The following RNF139 variants were observed in gnomAD, a reference collection of about 807,000 sequenced individuals.
RNF139 encodes ring finger protein 139.
A neutral mutation model predicts 49.5 loss-of-function variants in RNF139; 15 were observed. That is an observed-to-expected ratio of 0.30 (90% CI 0.20 to 0.47). The LOEUF (loss-of-function observed/expected upper bound fraction) is 0.47. Ranked by LOEUF, RNF139 falls within the 20% of genes least tolerant of loss-of-function variation. RNF139 has a pLI of 1.00. For synonymous variants in RNF139, 325 were observed against 300.9 expected (o/e 1.08, Z -0.83); for missense variants, 619 against 806.3 (o/e 0.77, Z 2.81).
At position 124,487,403 on chromosome 8, in the gene RNF139, G is replaced by C. The variant is rs1265726650; in HGVS notation, c.1754G>C (p.Cys585Ser). ...WLYIQDTCPM[C>S]HQKVYIEDDI... Reference sequence around the variant, plus strand: ...TACATTCAAGATACTTGTCCAATGTGCCATCAGAAAGTATACATCGAAGAT... The same window carrying C: ...TACATTCAAGATACTTGTCCAATGTCCCATCAGAAAGTATACATCGAAGAT... Residue 585 changes from cysteine to serine, a missense_variant, in exon 2 of 2, where the codon TGC (cysteine) becomes TCC (serine). By Grantham distance (112) the Cys-to-Ser change is moderately radical. This residue lies in a region of RNF139 where 530 missense variants were observed against 728.9 expected (regional missense o/e 0.73). Coordinates refer to ENST00000303545, the MANE Select transcript of RNF139 (RefSeq NM_007218.4). 3 of 1,613,966 alleles carry C rather than the reference G, an allele frequency of 1.9e-6. No individual in the cohort carries two copies. Among genetic ancestry groups the C allele is most frequent in the Non-Finnish European group, 2.5e-6 (3 of 1,179,988 alleles).
chr8:124,481,369 C>T lies in RNF139; in HGVS notation c.182-4462C>T, dbSNP rs139112234. Among the ~76,000 whole-genome samples the T allele has an allele frequency of 5.0e-3, 760 of 151,920 alleles. 6 individuals carry two copies. Among genetic ancestry groups the T allele is most frequent in the African/African-American group, 0.016 (647 of 41,406 alleles). On this transcript the variant is annotated intron_variant, in intron 1 of 1. Coordinates refer to ENST00000303545, the MANE Select transcript of RNF139 (RefSeq NM_007218.4). ...GAATTGTAAATATTATGTTTTGTAC[C>T]CTGATTTTTAGTCATAAGTTTCCAA... is the stretch of plus-strand genomic sequence containing the variant.
At chr8:124,481,123 A>G (rs960808751) in intron 1 of RNF139, among the ~76,000 whole-genome samples, 59 of 152,318 alleles carry the variant, frequency 3.9e-4, no homozygotes, top group African/African-American at 1.4e-3. Context: ...TCAACCTAAA[A>G]TGAGAATCCA....
At chr8:124,479,317 T>C (rs1470338252) in intron 1 of RNF139, among the ~76,000 whole-genome samples, 1 of 152,194 alleles carries the variant, frequency 6.6e-6, no homozygotes, top group Non-Finnish European at 1.5e-5. Context: ...GGGCAAGCAT[T>C]ACTGGAAATA....
chr8:124,475,010 G>A lies in RNF139; in HGVS notation c.-100G>A. 1 of 695,820 alleles carries A rather than the reference G, an allele frequency of 1.4e-6. No individual in the cohort carries two copies. The highest frequency in any genetic ancestry group is 6.7e-5 in the South Asian group (1 of 15,016). The allele number at this position is 695,820 out of a possible 1,614,324, so 43.1% of individuals were successfully genotyped here. ...GAGACAGGAGAGGAAGGAGGGCAGG[G>A]GCGGAGTTGCCCGCCTTAGCCCCCG... On this transcript the variant is annotated 5_prime_UTR_variant, in exon 1 of 2. Coordinates refer to ENST00000303545, the MANE Select transcript of RNF139 (RefSeq NM_007218.4).
At chr8:124,477,682 A>G (rs1307850904) in intron 1 of RNF139, among the ~76,000 whole-genome samples, 1 of 152,226 alleles carries the variant, frequency 6.6e-6, no homozygotes, top group Non-Finnish European at 1.5e-5. Context: ...ATGACAATAT[A>G]TGGAATATTG....
chr8:124,484,976 TAA>T (rs1816504786), intron 1 of RNF139, among the ~76,000 whole-genome samples: 1 of 152,128 alleles, frequency 6.6e-6, no homozygotes, highest in African/African-American at 2.4e-5. Context: ...GAGTAGGAAA[TAA>T]GAGCTGGCAT....
intron 1 of RNF139, chr8:124,483,553 A>G (rs1304267210): frequency 2.0e-5 from 3 of 151,908 alleles, no homozygotes; most frequent in African/African-American, 7.3e-5. Flanking sequence ...TCCCACCTCA[A>G]CCCCCTGAGT....
At chr8:124,482,780 G>A (rs1816437939) in intron 1 of RNF139, among the ~76,000 whole-genome samples, 1 of 150,344 alleles carries the variant, frequency 6.7e-6, no homozygotes, top group Non-Finnish European at 1.5e-5. Context: ...TGCAAAATTA[G>A]CTGGGAGTGG....
At chr8:124,482,958 A>ATT (rs1554601149) in intron 1 of RNF139, among the ~76,000 whole-genome samples, 3 of 94,246 alleles carry the variant, frequency 3.2e-5, no homozygotes, top group South Asian at 3.2e-4. Flanking sequence ...ATATATATAT[A>ATT]ATATATATAT....
chr8:124,482,132 A>G (rs556358052), intron 1 of RNF139, among the ~76,000 whole-genome samples: 10 of 152,188 alleles, frequency 6.6e-5, no homozygotes, highest in African/African-American at 2.4e-4. Context: ...GATACATCCA[A>G]ATTTTGAGGT....
At chr8:124,482,970 TTA>T (rs1419467630) in intron 1 of RNF139, among the ~76,000 whole-genome samples, 4 of 92,578 alleles carry the variant, frequency 4.3e-5, no homozygotes, top group Non-Finnish European at 6.1e-5. Flanking sequence ...TATATATATA[TTA>T]TTTAAATATA....
At chr8:124,480,665 A>C (rs1816392847) in intron 1 of RNF139, among the ~76,000 whole-genome samples, 1 of 152,150 alleles carries the variant, frequency 6.6e-6, no homozygotes, top group Admixed American at 6.5e-5. Context: ...GATTGATTAG[A>C]TCACTAGTCA....
chr8:124,486,179 C>G lies in RNF139; in HGVS notation c.530C>G (p.Thr177Ser). 1 of 1,614,188 alleles carries G rather than the reference C, an allele frequency of 6.2e-7. No individual in the cohort carries two copies. Among genetic ancestry groups the G allele is most frequent in the Non-Finnish European group, 8.5e-7 (1 of 1,180,018 alleles). The change falls in exon 2 of 2, where the codon ACT (threonine) becomes AGT (serine). Residue 177 changes from threonine to serine, a missense_variant. Coordinates refer to ENST00000303545, the MANE Select transcript of RNF139 (RefSeq NM_007218.4). ...GAGCTACCATTACACATCAGAGAGA[C>G]TTTACTGTTTACTTCTTCCTTGATT... is the stretch of plus-strand genomic sequence containing the variant. Reference protein sequence around the residue: ...ITELPLHIRETLLFTSSLILT... With the variant: ...ITELPLHIRESLLFTSSLILT...
At chr8:124,482,960 T>TATATATATTATTTATATATATATATA in intron 1 of RNF139, among the ~76,000 whole-genome samples, 1 of 66,868 alleles carries the variant, frequency 1.5e-5, no homozygotes, top group Non-Finnish European at 3.3e-5. Flanking sequence ...ATATATATAA[T>TATATATATTATTTATATATATATATA]ATATATATAT....
chr8:124,475,267 T>C lies in RNF139; in HGVS notation c.158T>C (p.Leu53Pro), dbSNP rs757303169. 4 of 1,613,234 alleles carry C rather than the reference T, an allele frequency of 2.5e-6. No individual in the cohort carries two copies. Among genetic ancestry groups the C allele is most frequent in the Admixed American group, 3.3e-5 (2 of 59,936 alleles). ...DSSQSRFCIV[L>P]QIFLRLFGVF... ...AGCCAAAGCCGGTTCTGCATCGTGC[T>C]CCAGATCTTCCTCCGGCTCTTTGGT... The change falls in exon 1 of 2, where the codon CTC becomes CCC. Residue 53 changes from leucine (L) to proline (P), a missense_variant. Transcript: ENST00000303545.
Position 124,482,114 on chromosome 8 carries a change from C to A in RNF139, c.182-3717C>A, listed in dbSNP as rs181196232. Among the ~76,000 whole-genome samples, 11 of 152,156 alleles carry A rather than the reference C, an allele frequency of 7.2e-5. No individual in the cohort carries two copies. The East Asian group carries it at 1.9e-3, about 27-fold the overall frequency. ...AGGATAGAGTATTGTCAGATTGTTA[C>A]TTGCTGGGATACATCCAAATTTTGA... On this transcript the variant is annotated intron_variant, in intron 1 of 1. Transcript: ENST00000303545.
rs34661621 is a variant in RNF139, at chr8:124,480,404, TAAAA to T, written c.181+5133_181+5136del. Among the ~76,000 whole-genome samples, 615 of 89,060 alleles carry T rather than the reference TAAAA, an allele frequency of 6.9e-3. 5 individuals are homozygous for T. The highest frequency in any genetic ancestry group is 0.021 in the African/African-American group (518 of 24,816). The allele number at this position is 89,060 out of a possible 152,430, so 58.4% of individuals were successfully genotyped here. A position where few individuals can be genotyped will look rare whatever the true frequency, so the allele number is the denominator to read the frequency against. ...GGGCAACAGAGCGAGACTCCATCAC[TAAAA>T]AAAAAAAAAAAAAAAAAAGGAAGTC... On this transcript the variant is annotated intron_variant, in intron 1 of 1. Coordinates refer to ENST00000303545, the MANE Select transcript of RNF139 (RefSeq NM_007218.4).
chr8:124,478,614 A>T (rs1374471677), intron 1 of RNF139, among the ~76,000 whole-genome samples: 1 of 152,052 alleles, frequency 6.6e-6, no homozygotes, highest in African/African-American at 2.4e-5. Flanking sequence ...TCAAAAAAAA[A>T]AAAAAAGTCA....
intron 1 of RNF139, among the ~76,000 whole-genome samples, chr8:124,477,997 A>G (rs910245140): frequency 6.6e-6 from 1 of 152,192 alleles, no homozygotes; most frequent in African/African-American, 2.4e-5. Flanking sequence ...TACTTCTATC[A>G]TAAGTGATTC....
Sources: allele counts gnomAD v4.1 joint callset (sites outside exome capture counted in the v4.1 genomes callset), GRCh38; gene constraint gnomAD v4.1.1; regional missense constraint gnomAD v4.1.1; transcripts MANE v1.5; gene names NCBI Gene and HGNC (gene_info 2026-07-23, HGNC 2026-07-21).